Variants in DROSHA observed in about 807,000 individuals in gnomAD.
DROSHA encodes drosha ribonuclease III, also known as ribonuclease 3.
Under a neutral mutation model 181.9 loss-of-function variants are expected in DROSHA, and 56 were observed. That is an observed-to-expected ratio of 0.31 (90% CI 0.25 to 0.38). DROSHA has a LOEUF of 0.38. Ranked by LOEUF, DROSHA falls within the 10% of genes least tolerant of loss-of-function variation. The probability of loss-of-function intolerance (pLI) is 1.00; values close to 1 mark genes in which losing one functional copy is unlikely to be tolerated. For synonymous variants in DROSHA, 524 were observed against 591.2 expected, an observed-to-expected ratio of 0.89 and a Z score of 1.65; for missense variants, 1,218 against 1,743.5, an observed-to-expected ratio of 0.70 and a Z score of 5.37.
At chr5:31,507,040 C>T (rs1433449944) in intron 10 of DROSHA, among the ~76,000 whole-genome samples, 12 of 152,056 alleles carry the variant, frequency 7.9e-5, no homozygotes, top group African/African-American at 2.7e-4. Flanking sequence ...GAGGGCCAGG[C>T]GCAGTGGCTC....
At chr5:31,425,340 A>G (rs1327353489) in intron 27 of DROSHA, among the ~76,000 whole-genome samples, 1 of 152,170 alleles carries the variant, frequency 6.6e-6, no homozygotes, top group Non-Finnish European at 1.5e-5. Flanking sequence ...GGGTTTTTTA[A>G]ATAATATTTT....
intron 20 of DROSHA, among the ~76,000 whole-genome samples, chr5:31,462,760 C>T (rs1215684731): frequency 2.0e-5 from 3 of 151,774 alleles, no homozygotes; most frequent in Non-Finnish European, 4.4e-5. Flanking sequence ...TGTCTCCACT[C>T]CCATCTCCCA....
chr5:31,465,503 A>T (rs188650477), intron 19 of DROSHA, among the ~76,000 whole-genome samples: 96 of 152,360 alleles, frequency 6.3e-4, no homozygotes, highest in African/African-American at 2.2e-3. Flanking sequence ...CAACAAATTT[A>T]AGCTTTAATA....
At chr5:31,449,443 C>A in intron 21 of DROSHA, 24 bp from the exon 22 acceptor site, 1 of 1,549,288 alleles carries the variant, frequency 6.5e-7, no homozygotes, top group South Asian at 1.2e-5. Context: ...GAAATAAGTT[C>A]AGTCTTTAAA....
Position 31,411,445 on chromosome 5 carries a change from AT to A in DROSHA, c.3526-559del, listed in dbSNP as rs138092362. On this transcript the variant is annotated intron_variant, in intron 30 of 35. Transcript: ENST00000344624. This position sits in a 1 kb window ranked among gnomAD's most constrained non-coding sequence, Gnocchi z 4.2. The stretch of plus-strand genomic sequence containing the variant: ...TGTCACTGTACATTAATTTTAAAGG[AT>A]TTTTTTTTAAGTCTAAAATAAGCTT... Among the ~76,000 whole-genome samples, 2,255 of 151,512 alleles carry A rather than the reference AT, an allele frequency of 0.015. 129 individuals are homozygous for A. In the East Asian group the frequency reaches 0.21, roughly 14 times the overall value.
At chr5:31,509,416 G>C (rs1475818881) in intron 9 of DROSHA, among the ~76,000 whole-genome samples, 1 of 152,084 alleles carries the variant, frequency 6.6e-6, no homozygotes, top group African/African-American at 2.4e-5. Context: ...TCCATAAAAG[G>C]GCAGTTTCAC....
At chr5:31,415,276 CG>C (rs1741800058) in intron 30 of DROSHA, among the ~76,000 whole-genome samples, 1 of 152,082 alleles carries the variant, frequency 6.6e-6, no homozygotes, top group Non-Finnish European at 1.5e-5. Context: ...TATAAGAACA[CG>C]GGGTGAAAGC....
chr5:31,428,596 CA>C (rs981818588), intron 27 of DROSHA, among the ~76,000 whole-genome samples: 1 of 152,172 alleles, frequency 6.6e-6, no homozygotes, highest in Non-Finnish European at 1.5e-5. Flanking sequence ...ATCAAATTCT[CA>C]GATATGAACA....
intron 18 of DROSHA, 139 bp downstream of exon 18, chr5:31,467,800 G>A: frequency 9.0e-7 from 1 of 1,109,016 alleles, no homozygotes; most frequent in South Asian, 1.9e-5. Context: ...GTTTCATTTG[G>A]GTAATCTAAA....
Position 31,484,879 on chromosome 5 carries a change from A to G in DROSHA, c.1996+2T>C, listed in dbSNP as rs1322833125. The G allele has an allele frequency of 6.5e-7, 1 of 1,529,610 alleles. No individual in the cohort carries two copies. The highest frequency in any genetic ancestry group is 2.0e-5 in the Admixed American group (1 of 49,112). The allele number at this position is 1,529,610 out of a possible 1,614,324, so 94.8% of individuals were successfully genotyped here. ...CTCTCTTCTTTAAATCCTATTACTT[A>G]CCTTTAAGATTCCAGTCATATAATT... On this transcript the variant is annotated splice_donor_variant, in intron 15 of 35. Coordinates refer to ENST00000344624, the MANE Select transcript of DROSHA (RefSeq NM_001382508.1). LOFTEE classifies it high-confidence loss of function.
intron 25 of DROSHA, among the ~76,000 whole-genome samples, chr5:31,433,232 G>A (rs1744383853): frequency 6.6e-6 from 1 of 152,164 alleles, no homozygotes; most frequent in African/African-American, 2.4e-5. Context: ...TATACTGTTT[G>A]AAATTTGTGA....
chr5:31,434,538 T>C (rs981224410), intron 25 of DROSHA, among the ~76,000 whole-genome samples: 1 of 152,214 alleles, frequency 6.6e-6, no homozygotes, highest in African/African-American at 2.4e-5. Flanking sequence ...GTTCAAAGCC[T>C]ACCACTGTAG....
chr5:31,412,057 G>GT (rs752995967), intron 30 of DROSHA, among the ~76,000 whole-genome samples: 1 of 152,146 alleles, frequency 6.6e-6, no homozygotes, highest in Non-Finnish European at 1.5e-5. Context: ...TTTCCAACTA[G>GT]TAACACTATA....
chr5:31,521,826 A>C (rs1223882326), intron 5 of DROSHA, among the ~76,000 whole-genome samples: 1 of 152,204 alleles, frequency 6.6e-6, no homozygotes, highest in Non-Finnish European at 1.5e-5. Context: ...AGGAATTTTT[A>C]AAACCTTCCA....
chr5:31,491,014 G>A (rs6884823), intron 13 of DROSHA, among the ~76,000 whole-genome samples: 16,671 of 152,044 alleles, frequency 0.11, 1,189 homozygotes, highest in East Asian at 0.22. Context: ...GCCAAACCTT[G>A]TGCTGGGGGA....
At chr5:31,519,209 G>A (rs145598073) in intron 6 of DROSHA, among the ~76,000 whole-genome samples, 41 of 152,246 alleles carry the variant, frequency 2.7e-4, no homozygotes, top group African/African-American at 8.7e-4. Context: ...CCATTAAACC[G>A]AGGCTATTTC....
chr5:31,496,701 T>C (rs1277884614), intron 11 of DROSHA, among the ~76,000 whole-genome samples: 1 of 152,176 alleles, frequency 6.6e-6, no homozygotes, highest in Non-Finnish European at 1.5e-5. Flanking sequence ...CCCCATCAAG[T>C]TGTGCTCCCT....
chr5:31,435,183 T>C (rs999526612), intron 25 of DROSHA, among the ~76,000 whole-genome samples: 2 of 152,212 alleles, frequency 1.3e-5, no homozygotes, highest in African/African-American at 4.8e-5. Context: ...AATATGGAGA[T>C]GGAAACATCA....
intron 23 of DROSHA, among the ~76,000 whole-genome samples, chr5:31,437,870 C>A (rs140742023): frequency 3.7e-4 from 57 of 152,220 alleles, no homozygotes; most frequent in Non-Finnish European, 6.9e-4. Flanking sequence ...ACTCAGTGTG[C>A]CTCTTCAGGC....
Sources: gnomAD v4.1 joint callset for allele counts (sites outside exome capture counted in the v4.1 genomes callset) on GRCh38, gnomAD v4.1.1 for gene constraint, Gnocchi (gnomAD v3.1) non-coding constraint, MANE v1.5 for transcripts, NCBI Gene and HGNC (gene_info 2026-07-23, HGNC 2026-07-21) for gene names.